The following THSD7A variants were observed in gnomAD, a reference collection of about 807,000 sequenced individuals.
THSD7A encodes thrombospondin type-1 domain-containing protein 7A.
In THSD7A, 96 loss-of-function variants were observed where a neutral mutation model predicts 231.3. The observed-to-expected ratio is 0.41, with a 90% CI of 0.35 to 0.49. The LOEUF (loss-of-function observed/expected upper bound fraction) is 0.49, where lower values mean the gene tolerates loss of function less well. Ranked by LOEUF, THSD7A falls within the 20% of genes least tolerant of loss-of-function variation. The pLI is 0.05. For missense variants in THSD7A, 2,290 were observed against 2,070.2 expected (o/e 1.11, Z -2.06); for synonymous variants, 940 against 743.3 (o/e 1.26, Z -4.30).
chr7:11,519,220 A>G (rs1176750546), intron 6 of THSD7A, among the ~76,000 whole-genome samples: 1 of 152,186 alleles, frequency 6.6e-6, no homozygotes, highest in Non-Finnish European at 1.5e-5. Context: ...CGCTTTGCAG[A>G]TCACAAAAGA....
At chr7:11,476,454 A>G (rs1786186743) in intron 7 of THSD7A, among the ~76,000 whole-genome samples, 1 of 152,046 alleles carries the variant, frequency 6.6e-6, no homozygotes, top group Admixed American at 6.6e-5. Flanking sequence ...TCCAAATGAC[A>G]TTTCAATAAT....
intron 1 of THSD7A, among the ~76,000 whole-genome samples, chr7:11,722,963 C>T (rs1040223478): frequency 6.6e-6 from 1 of 151,926 alleles, no homozygotes; most frequent in Non-Finnish European, 1.5e-5. Flanking sequence ...TTGACCCAGC[C>T]ATCCCATTAC....
In THSD7A at chr7:11,771,612, G is replaced by C. The variant is rs182650477; in HGVS notation, c.190+60145C>G. Reference sequence around the variant, plus strand: ...ACATACCAGGTTTTTTTTTTTCCTGGAGTAAATAGTAATTGTAAAGTTCAT... The same window carrying C: ...ACATACCAGGTTTTTTTTTTTCCTGCAGTAAATAGTAATTGTAAAGTTCAT... On this transcript the variant is annotated intron_variant, in intron 1 of 27. Coordinates refer to ENST00000423059, the MANE Select transcript of THSD7A (RefSeq NM_015204.3). 2.0e-3 allele frequency among the ~76,000 whole-genome samples: 301 copies of C among 150,976 alleles called. 1 individual carries two copies. Among genetic ancestry groups the C allele is most frequent in the African/African-American group, 7.0e-3 (289 of 41,234 alleles).
In THSD7A at chr7:11,678,559, CTAT is replaced by C. The variant is rs1377074804; in HGVS notation, c.191-41601_191-41599del. On this transcript the variant is annotated intron_variant, in intron 1 of 27. Transcript: ENST00000423059. ...AAATACAAACTACCATCAGAGAATA[CTAT>C]TAACACCTCTATGCAAATGAATTAG... is the stretch of plus-strand genomic sequence containing the variant. 6.6e-5 allele frequency among the ~76,000 whole-genome samples: 10 copies of C among 152,140 alleles called. No homozygotes were observed. The East Asian group carries it at 1.9e-3, about 29-fold the overall frequency.
At chr7:11,710,253 T>C (rs1304272072) in intron 1 of THSD7A, among the ~76,000 whole-genome samples, 1 of 139,000 alleles carries the variant, frequency 7.2e-6, no homozygotes, top group Non-Finnish European at 1.5e-5. Flanking sequence ...AAGGATAAAT[T>C]AAACACACTT....
At chr7:11,663,023 T>C (rs1782989540) in intron 1 of THSD7A, among the ~76,000 whole-genome samples, 1 of 150,336 alleles carries the variant, frequency 6.7e-6, no homozygotes, top group Non-Finnish European at 1.5e-5. Flanking sequence ...AATAATAAAA[T>C]GAAGCCAAAG....
chr7:11,823,857 A>G (rs972100924), intron 1 of THSD7A, among the ~76,000 whole-genome samples: 1 of 152,034 alleles, frequency 6.6e-6, no homozygotes, highest in African/African-American at 2.4e-5. Context: ...CATGGAAACC[A>G]CCTGGGTATT....
chr7:11,703,590 G>C (rs544340060), intron 1 of THSD7A, among the ~76,000 whole-genome samples: 33 of 151,282 alleles, frequency 2.2e-4, no homozygotes, highest in Non-Finnish European at 4.0e-4. Context: ...CTATACAGTA[G>C]TGTAATGCCT....
rs1317642701 is a variant in THSD7A at position 11,372,425 on chromosome 7, A to C, written c.*3369T>G. The C allele has an allele frequency of 2.0e-5, 3 of 151,584 alleles. 1 individual carries two copies. Among genetic ancestry groups the C allele is most frequent in the Admixed American group, 2.0e-4 (3 of 15,200 alleles). 9.4% of individuals were successfully genotyped at this position (151,584 alleles called of 1,614,324 possible). On this transcript the variant is annotated 3_prime_UTR_variant, in exon 28 of 28. Transcript: ENST00000423059. ...TAGAAGTAATTTGTGCTTTGTTATA[A>C]GTAATTAAAAACAAGCTTTTATGCA... is the stretch of plus-strand genomic sequence containing the variant.
At chr7:11,570,836 T>TG (rs2128334449) in intron 4 of THSD7A, among the ~76,000 whole-genome samples, 1 of 152,316 alleles carries the variant, frequency 6.6e-6, no homozygotes, top group South Asian at 2.1e-4. Context: ...TTCCCCTTGA[T>TG]GGGGGACCAG....
chr7:11,766,739 T>C (rs1041351383), intron 1 of THSD7A, among the ~76,000 whole-genome samples: 8 of 152,096 alleles, frequency 5.3e-5, no homozygotes, highest in Non-Finnish European at 1.2e-4. Context: ...TAAATGCCAT[T>C]GAGAACAGAG....
intron 1 of THSD7A, among the ~76,000 whole-genome samples, chr7:11,748,395 C>A (rs1007460462): frequency 2.6e-5 from 4 of 151,828 alleles, no homozygotes; most frequent in African/African-American, 9.7e-5. Context: ...AAACCATTCC[C>A]CGATTATCAA....
intron 1 of THSD7A, among the ~76,000 whole-genome samples, chr7:11,723,037 T>C (rs757745118): frequency 6.6e-6 from 1 of 151,980 alleles, no homozygotes; most frequent in African/African-American, 2.4e-5. Flanking sequence ...CGTATGTTTA[T>C]TGCGGCACTA....
intron 9 of THSD7A, among the ~76,000 whole-genome samples, chr7:11,465,150 G>A (rs1785649167): frequency 6.6e-6 from 1 of 152,082 alleles, no homozygotes; most frequent in African/African-American, 2.4e-5. Context: ...TATAGTAAGT[G>A]CTTAATAAAT....
intron 6 of THSD7A, among the ~76,000 whole-genome samples, chr7:11,492,863 G>C (rs1190739387): frequency 6.6e-6 from 1 of 152,032 alleles, no homozygotes; most frequent in African/African-American, 2.4e-5. Context: ...CTAGCCTAAG[G>C]CCTGCAGCTG....
intron 13 of THSD7A, among the ~76,000 whole-genome samples, chr7:11,443,607 CTTTT>C (rs914924121): frequency 2.0e-5 from 3 of 151,024 alleles, no homozygotes; most frequent in Non-Finnish European, 4.4e-5. Flanking sequence ...CATCATTAGA[CTTTT>C]TTTTTGTTTT....
chr7:11,733,277 C>A (rs897717557), intron 1 of THSD7A, among the ~76,000 whole-genome samples: 10 of 151,730 alleles, frequency 6.6e-5, no homozygotes, highest in African/African-American at 2.4e-4. Context: ...TCAGTAACAG[C>A]CCTGTTGTTA....
intron 7 of THSD7A, 62 bp downstream of exon 7, chr7:11,481,725 AC>A (rs751440530): frequency 1.2e-5 from 18 of 1,453,660 alleles, no homozygotes; most frequent in Non-Finnish European, 1.6e-5. Context: ...TCCAGGCTAC[AC>A]AAAAAAGATG....
chr7:11,592,513 T>C (rs1241825713), intron 3 of THSD7A, among the ~76,000 whole-genome samples: 1 of 152,232 alleles, frequency 6.6e-6, no homozygotes, highest in Non-Finnish European at 1.5e-5. Context: ...ATTTTAATAC[T>C]GTCATACTGC....
Sources: allele counts gnomAD v4.1 joint callset (sites outside exome capture counted in the v4.1 genomes callset), GRCh38; gene constraint gnomAD v4.1.1; transcripts MANE v1.5; gene names NCBI Gene and HGNC (gene_info 2026-07-23, HGNC 2026-07-21).